WWOX: variants seen among roughly 807,000 people sequenced by gnomAD.
WWOX encodes the protein WW domain-containing oxidoreductase.
WWOX carries 69 observed loss-of-function variants against 46.2 expected under a neutral mutation model. That is an observed-to-expected ratio of 1.49 (90% CI 1.23 to 1.82). The LOEUF is 1.82. Ranked by LOEUF, WWOX falls within the 40% of genes most tolerant of loss-of-function variation. WWOX has a pLI of 0.00. For missense variants in WWOX, 919 were observed against 542.6 expected, an observed-to-expected ratio of 1.69 and a Z score of -6.89; for synonymous variants, 359 against 202.6, an observed-to-expected ratio of 1.77 and a Z score of -6.56.
At chr16:78,847,174 G>C (rs1249187815) in intron 8 of WWOX, among the ~76,000 whole-genome samples, 2 of 152,138 alleles carry the variant, frequency 1.3e-5, no homozygotes, top group Non-Finnish European at 1.5e-5. Flanking sequence ...TTTTATTATA[G>C]AATCATATTT....
chr16:79,123,769 A>G (rs2049690482), intron 8 of WWOX, among the ~76,000 whole-genome samples: 1 of 152,220 alleles, frequency 6.6e-6, no homozygotes, highest in South Asian at 2.1e-4. Flanking sequence ...CACATTATAA[A>G]GAATTATGTC....
chr16:78,268,215 TA>T (rs1233395852), intron 5 of WWOX, among the ~76,000 whole-genome samples: 10 of 152,144 alleles, frequency 6.6e-5, no homozygotes, highest in African/African-American at 2.4e-4. Context: ...TGGCTACAAA[TA>T]AAAGGGAAAA....
chr16:78,972,086 G>T (rs1406799784), intron 8 of WWOX, among the ~76,000 whole-genome samples: 1 of 152,152 alleles, frequency 6.6e-6, no homozygotes, highest in African/African-American at 2.4e-5. Context: ...ATACCCAGCA[G>T]CCCAGACCTC....
At chr16:79,100,599 C>T (rs1413684264) in intron 8 of WWOX, among the ~76,000 whole-genome samples, 1 of 152,102 alleles carries the variant, frequency 6.6e-6, no homozygotes, top group South Asian at 2.1e-4. Flanking sequence ...CCAGCCTCAC[C>T]CGTGTCTCTT....
chr16:78,840,751 T>C (rs889182475), intron 8 of WWOX, among the ~76,000 whole-genome samples: 2 of 152,012 alleles, frequency 1.3e-5, no homozygotes, highest in Non-Finnish European at 1.5e-5. Context: ...TGTATGTACA[T>C]ATATATGTAT....
At chr16:79,040,098 C>G (rs1269784954) in intron 8 of WWOX, among the ~76,000 whole-genome samples, 3 of 152,168 alleles carry the variant, frequency 2.0e-5, no homozygotes, top group East Asian at 3.9e-4. Context: ...CATTCCTACC[C>G]CATAGGTTGC....
chr16:78,679,545 C>T (rs1051933328), intron 8 of WWOX, among the ~76,000 whole-genome samples: 3 of 152,010 alleles, frequency 2.0e-5, no homozygotes, highest in Admixed American at 6.6e-5. Flanking sequence ...AGTGAGACTC[C>T]ATCTCAAAAC....
intron 5 of WWOX, among the ~76,000 whole-genome samples, chr16:78,306,196 A>T (rs180848530): frequency 3.2e-4 from 49 of 152,352 alleles, no homozygotes; most frequent in Non-Finnish European, 5.4e-4. Flanking sequence ...AAGAAAGAAC[A>T]AATGACAAAA....
chr16:78,335,203 G>T (rs1037051224), intron 5 of WWOX, among the ~76,000 whole-genome samples: 1 of 152,092 alleles, frequency 6.6e-6, no homozygotes, highest in Non-Finnish European at 1.5e-5. Flanking sequence ...CATCTGCCAC[G>T]GTGGTTTGCT....
At chr16:79,105,259 T>G (rs575507546) in intron 8 of WWOX, among the ~76,000 whole-genome samples, 2 of 152,292 alleles carry the variant, frequency 1.3e-5, no homozygotes, top group East Asian at 3.9e-4. Context: ...AGGAATTTTT[T>G]TATTTTGATA....
At chr16:78,435,100 C>T (rs1302799680) in intron 8 of WWOX, among the ~76,000 whole-genome samples, 3 of 152,100 alleles carry the variant, frequency 2.0e-5, no homozygotes, top group African/African-American at 7.2e-5. Flanking sequence ...ATCATGATAT[C>T]GGAGTGTTAG....
chr16:78,917,706 CTG>C (rs909529174), intron 8 of WWOX, among the ~76,000 whole-genome samples: 7 of 152,030 alleles, frequency 4.6e-5, no homozygotes, highest in African/African-American at 1.7e-4. Flanking sequence ...TGGGCAGGGA[CTG>C]TATCTCCTGT....
At chr16:78,701,839 C>T (rs1231928456) in intron 8 of WWOX, among the ~76,000 whole-genome samples, 7 of 151,372 alleles carry the variant, frequency 4.6e-5, no homozygotes, top group Non-Finnish European at 8.8e-5. Flanking sequence ...GATGGCGCAG[C>T]TCTCAGCGTA....
At chr16:78,670,567 G>C (rs117030375) in intron 8 of WWOX, among the ~76,000 whole-genome samples, 4 of 152,048 alleles carry the variant, frequency 2.6e-5, no homozygotes, top group Non-Finnish European at 5.9e-5. Context: ...CCCAGGTTTG[G>C]ATTACAGATG....
At position 78,342,012 on chromosome 16, in the gene WWOX, A is replaced by C. The variant is rs2081024639; in HGVS notation, c.517-44848A>C. Among the ~76,000 whole-genome samples, 2 of 120,458 alleles carry C rather than the reference A, an allele frequency of 1.7e-5. 1 individual carries two copies. The highest frequency in any genetic ancestry group is 4.0e-5 in the Non-Finnish European group (2 of 50,492). 79.0% of individuals were successfully genotyped at this position (120,458 alleles called of 152,430 possible). On this transcript the variant is annotated intron_variant, in intron 5 of 8. Coordinates refer to ENST00000566780, the MANE Select transcript of WWOX (RefSeq NM_016373.4). ...TCACCTATAGTACCAGGTACTTCGG[A>C]GGCTGAGGCAGCAGAATGGCTTGAG...
chr16:78,980,681 T>C (rs930354387), intron 8 of WWOX, among the ~76,000 whole-genome samples: 4 of 152,142 alleles, frequency 2.6e-5, no homozygotes, highest in African/African-American at 9.7e-5. Flanking sequence ...CAAATCACAA[T>C]CAGAACTTTG....
intron 8 of WWOX, among the ~76,000 whole-genome samples, chr16:78,452,936 G>C (rs2083727776): frequency 6.7e-6 from 1 of 148,252 alleles, no homozygotes; most frequent in Admixed American, 6.7e-5. Flanking sequence ...ACCATGTCAA[G>C]ATTATGGCTC....
chr16:79,154,932 A>AG (rs2050351934), intron 8 of WWOX, among the ~76,000 whole-genome samples: 2 of 152,252 alleles, frequency 1.3e-5, no homozygotes, highest in South Asian at 4.1e-4. Flanking sequence ...AAGAAAGAAG[A>AG]GGAAGAGCTG....
At chr16:78,640,833 G>T (rs1409948420) in intron 8 of WWOX, among the ~76,000 whole-genome samples, 1 of 151,976 alleles carries the variant, frequency 6.6e-6, no homozygotes, top group Non-Finnish European at 1.5e-5. Flanking sequence ...CAGCTATTCG[G>T]GAGGGTGAGG....
Sources: gnomAD v4.1 joint callset for allele counts (sites outside exome capture counted in the v4.1 genomes callset) on GRCh38, gnomAD v4.1.1 for gene constraint, MANE v1.5 for transcripts, NCBI Gene and HGNC (gene_info 2026-07-23, HGNC 2026-07-21) for gene names.